SEMA6D: variants seen among roughly 807,000 people sequenced by gnomAD.
SEMA6D encodes the protein semaphorin-6D.
Under a neutral mutation model 106.6 loss-of-function variants are expected in SEMA6D, and 35 were observed. The observed-to-expected ratio is 0.33, with a 90% CI of 0.25 to 0.44. SEMA6D has a LOEUF of 0.44. SEMA6D is among the 20% of genes least tolerant of loss of function. The pLI is 1.00. For missense variants in SEMA6D, 1,185 were observed against 1,345.9 expected, an observed-to-expected ratio of 0.88 and a Z score of 1.87; for synonymous variants, 499 against 487.7, an observed-to-expected ratio of 1.02 and a Z score of -0.31.
At chr15:47,471,525 C>A (rs2042837069) in intron 3 of SEMA6D, among the ~76,000 whole-genome samples, 1 of 152,222 alleles carries the variant, frequency 6.6e-6, no homozygotes, top group Admixed American at 6.5e-5. Context: ...CCTACACAAT[C>A]TGTCGTAAAG....
At chr15:47,302,729 A>G (rs1309672668) in intron 1 of SEMA6D, among the ~76,000 whole-genome samples, 2 of 152,232 alleles carry the variant, frequency 1.3e-5, no homozygotes, top group African/African-American at 2.4e-5. Flanking sequence ...GAAGAAGGCA[A>G]TGAACAAAGG....
intron 1 of SEMA6D, among the ~76,000 whole-genome samples, chr15:47,253,089 C>T (rs745600396): frequency 3.9e-5 from 6 of 152,180 alleles, no homozygotes; most frequent in Non-Finnish European, 1.5e-5. Context: ...AATACCCATT[C>T]TAACTGGGGT....
At chr15:47,394,538 C>T (rs1424495020) in intron 1 of SEMA6D, among the ~76,000 whole-genome samples, 2 of 152,074 alleles carry the variant, frequency 1.3e-5, no homozygotes, top group South Asian at 2.1e-4. Flanking sequence ...TGAGGGTCAA[C>T]GGTATTCACT....
intron 2 of SEMA6D, among the ~76,000 whole-genome samples, chr15:47,425,414 A>T (rs2140460368): frequency 6.6e-6 from 1 of 152,118 alleles, no homozygotes; most frequent in South Asian, 2.1e-4. Context: ...TTTAGTTCTA[A>T]GTGCTCAGCA....
chr15:47,198,935 A>G (rs1465256872), intron 1 of SEMA6D, among the ~76,000 whole-genome samples: 4 of 152,168 alleles, frequency 2.6e-5, no homozygotes, highest in Non-Finnish European at 1.5e-5. Flanking sequence ...CTTTCCTGGG[A>G]AGGAACTTCC....
intron 1 of SEMA6D, among the ~76,000 whole-genome samples, chr15:47,334,007 C>G (rs552768221): frequency 6.6e-6 from 1 of 152,252 alleles, no homozygotes; most frequent in East Asian, 1.9e-4. Context: ...ACCAGAGAGG[C>G]CAAGAAAGAT....
chr15:47,186,491 T>C (rs28549232), intron 1 of SEMA6D, among the ~76,000 whole-genome samples: 39,171 of 151,892 alleles, frequency 0.26, 5,509 homozygotes, highest in Non-Finnish European at 0.32. Context: ...TATCATAATG[T>C]TTATAACCTT....
chr15:47,444,762 G>A (rs1471639891), intron 2 of SEMA6D, among the ~76,000 whole-genome samples: 7 of 152,148 alleles, frequency 4.6e-5, no homozygotes, highest in Non-Finnish European at 7.4e-5. Context: ...CCCCATGGTA[G>A]TGTCTAGGAG....
At chr15:47,520,944 A>G (rs1290642671) in intron 3 of SEMA6D, among the ~76,000 whole-genome samples, 1 of 152,130 alleles carries the variant, frequency 6.6e-6, no homozygotes, top group Non-Finnish European at 1.5e-5. Context: ...TGGATTTTGT[A>G]TTTCTTGAGC....
intron 3 of SEMA6D, among the ~76,000 whole-genome samples, chr15:47,589,971 G>T (rs2076408742): frequency 6.6e-6 from 1 of 152,162 alleles, no homozygotes; most frequent in Non-Finnish European, 1.5e-5. Flanking sequence ...CTAGATTGGG[G>T]TCTGTATTGG....
intron 1 of SEMA6D, among the ~76,000 whole-genome samples, chr15:47,404,027 A>G (rs2040479746): frequency 6.6e-6 from 1 of 152,216 alleles, no homozygotes; most frequent in South Asian, 2.1e-4. Context: ...AGTGTGTTCT[A>G]GAGAAGTAAT....
chr15:47,515,758 A>T (rs903709221), intron 3 of SEMA6D, among the ~76,000 whole-genome samples: 1 of 152,216 alleles, frequency 6.6e-6, no homozygotes, highest in Non-Finnish European at 1.5e-5. Context: ...TTTGGAGCAT[A>T]TGTCTCCAGC....
In SEMA6D at chr15:47,694,358, T is replaced by C. The variant is rs926040199; in HGVS notation, c.-54-65387T>C. Among the ~76,000 whole-genome samples the C allele has an allele frequency of 9.2e-5, 14 of 152,254 alleles. No homozygotes were observed. In the South Asian group the frequency reaches 2.9e-3, roughly 32 times the overall value. ...AAAAAGTCTATATTTAATATAGAAA[T>C]TCATTGGTCTACCTCAGTCAGGTAC... On this transcript the variant is annotated intron_variant, in intron 4 of 19. Transcript: ENST00000558014.
intron 3 of SEMA6D, among the ~76,000 whole-genome samples, chr15:47,530,372 A>T (rs2044917904): frequency 6.6e-6 from 1 of 152,262 alleles, no homozygotes; most frequent in Admixed American, 6.5e-5. Flanking sequence ...TTTCATTCTG[A>T]ATACCACATA....
intron 1 of SEMA6D, among the ~76,000 whole-genome samples, chr15:47,392,114 G>A (rs7496038): frequency 2.3e-3 from 357 of 152,120 alleles, no homozygotes; most frequent in Admixed American, 4.9e-3. Context: ...CCAACCACTC[G>A]TTCACAACTG....
intron 3 of SEMA6D, among the ~76,000 whole-genome samples, chr15:47,533,465 A>T (rs753672253): frequency 6.6e-6 from 1 of 152,236 alleles, no homozygotes; most frequent in African/African-American, 2.4e-5. Flanking sequence ...TGTAGAGAGT[A>T]CAATAGTCAG....
At chr15:47,746,169 C>T (rs567790645) in intron 1 of SEMA6D, among the ~76,000 whole-genome samples, 1 of 152,228 alleles carries the variant, frequency 6.6e-6, no homozygotes, top group South Asian at 2.1e-4. Context: ...AATTTCACTT[C>T]TCTTCCTCTG....
At chr15:47,251,907 ATTTTT>A (rs994788645) in intron 1 of SEMA6D, among the ~76,000 whole-genome samples, 1 of 81,996 alleles carries the variant, frequency 1.2e-5, no homozygotes, top group African/African-American at 5.4e-5. Context: ...TTCTAATTGG[ATTTTT>A]TTTTTTTTTT....
chr15:47,523,786 A>G (rs371444386), intron 3 of SEMA6D, among the ~76,000 whole-genome samples: 1 of 152,122 alleles, frequency 6.6e-6, no homozygotes, highest in Non-Finnish European at 1.5e-5. Context: ...ATTTCTGCCT[A>G]TTATTTTCAG....
Sources: gnomAD v4.1 joint callset for allele counts (sites outside exome capture counted in the v4.1 genomes callset) on GRCh38, gnomAD v4.1.1 for gene constraint, MANE v1.5 for transcripts, NCBI Gene and HGNC (gene_info 2026-07-23, HGNC 2026-07-21) for gene names.